The following LINGO2 variants were observed in gnomAD, a reference collection of about 807,000 sequenced individuals.
The protein encoded by LINGO2 is leucine-rich repeat and immunoglobulin-like domain-containing nogo receptor-interacting protein 2.
In LINGO2, 14 loss-of-function variants were observed where a neutral mutation model predicts 30.6. That is an observed-to-expected ratio of 0.46 (90% confidence interval 0.30 to 0.72). The LOEUF is 0.72. LINGO2 is among the 30% of genes least tolerant of loss of function. The pLI, the probability that LINGO2 is intolerant of heterozygous loss-of-function variation, is 0.07. For missense variants in LINGO2, 729 were observed against 751.7 expected, an observed-to-expected ratio of 0.97 and a Z score of 0.35; for synonymous variants, 317 against 288.5, an observed-to-expected ratio of 1.10 and a Z score of -1.00.
At chr9:28,592,134 C>A (rs1335113401) in intron 1 of LINGO2, among the ~76,000 whole-genome samples, 1 of 151,964 alleles carries the variant, frequency 6.6e-6, no homozygotes, top group Admixed American at 6.6e-5. Context: ...GGAACAAAAT[C>A]ATGCTGTTAC....
intron 3 of LINGO2, among the ~76,000 whole-genome samples, chr9:28,347,747 T>C (rs1397549314): frequency 6.6e-6 from 1 of 152,198 alleles, no homozygotes; most frequent in African/African-American, 2.4e-5. Context: ...ATTATTATTT[T>C]ATTAAAGGTG....
chr9:27,948,217 A>G (rs1026249470), exon 6 of LINGO2: 1 of 152,220 alleles, frequency 6.6e-6, no homozygotes, highest in Admixed American at 6.5e-5. Context: ...CCATAACTCC[A>G]GGGATCTAGT....
chr9:28,723,798 T>C, the LINGO2 span, among the ~76,000 whole-genome samples: 1 of 152,102 alleles, frequency 6.6e-6, no homozygotes, highest in Non-Finnish European at 1.5e-5. Context: ...AATAGGTATG[T>C]TGCAATTGGT....
At chr9:27,954,653 A>G (rs1819478683) in intron 5 of LINGO2, among the ~76,000 whole-genome samples, 1 of 152,122 alleles carries the variant, frequency 6.6e-6, no homozygotes, top group Non-Finnish European at 1.5e-5. Flanking sequence ...TGCAATAAAC[A>G]TGGGCATACA....
At position 28,358,797 on chromosome 9, in the gene LINGO2, A is replaced by G. The variant is rs1820330372; in HGVS notation, c.-246+14039T>C. On this transcript the variant is annotated intron_variant, in intron 3 of 5. Coordinates refer to ENST00000379992, the Ensembl canonical transcript of LINGO2. The stretch of plus-strand genomic sequence containing the variant: ...GTCTTATTGTCATGATTACAGCTCA[A>G]CTTCTTTACCAGACTTCCTTCTTAG... Among the ~76,000 whole-genome samples the G allele has an allele frequency of 1.3e-5, 2 of 152,128 alleles. 1 individual carries two copies. Among genetic ancestry groups the G allele is most frequent in the Non-Finnish European group, 2.9e-5 (2 of 68,024 alleles).
At chr9:28,316,781 A>C (rs1454828867) in intron 3 of LINGO2, among the ~76,000 whole-genome samples, 2 of 152,154 alleles carry the variant, frequency 1.3e-5, no homozygotes, top group African/African-American at 4.8e-5. Context: ...TTATGCCAAG[A>C]AGTTCCAAGA....
At chr9:29,084,758 C>A in the LINGO2 span, among the ~76,000 whole-genome samples, 1 of 151,934 alleles carries the variant, frequency 6.6e-6, no homozygotes, top group Non-Finnish European at 1.5e-5. Context: ...TTCTGTAATA[C>A]TCACCAAAAT....
the LINGO2 span, among the ~76,000 whole-genome samples, chr9:28,779,438 T>C: frequency 1.3e-5 from 2 of 152,182 alleles, no homozygotes; most frequent in Non-Finnish European, 2.9e-5. Context: ...TCTGGAGCTA[T>C]TGATGACTTC....
chr9:29,030,128 GT>G, the LINGO2 span, among the ~76,000 whole-genome samples: 1 of 152,144 alleles, frequency 6.6e-6, no homozygotes. Context: ...ATTGAATTGA[GT>G]CCTATTTTAG....
chr9:28,317,294 C>A (rs934720205), intron 3 of LINGO2, among the ~76,000 whole-genome samples: 1 of 152,078 alleles, frequency 6.6e-6, no homozygotes, highest in South Asian at 2.1e-4. Flanking sequence ...CTAGATTGAC[C>A]TTTCCTTGTT....
intron 4 of LINGO2, among the ~76,000 whole-genome samples, chr9:28,178,267 T>C (rs1380696984): frequency 6.6e-6 from 1 of 152,170 alleles, no homozygotes; most frequent in Non-Finnish European, 1.5e-5. Flanking sequence ...TTAGAGACGG[T>C]AGCGTATACA....
the LINGO2 span, among the ~76,000 whole-genome samples, chr9:28,990,307 T>C: frequency 6.6e-6 from 1 of 151,726 alleles, no homozygotes; most frequent in Non-Finnish European, 1.5e-5. Flanking sequence ...GGGGGAGGGG[T>C]GCCCACCATT....
chr9:29,012,455 A>C, the LINGO2 span, among the ~76,000 whole-genome samples: 23 of 152,310 alleles, frequency 1.5e-4, no homozygotes, highest in African/African-American at 5.3e-4. Flanking sequence ...CCAAATTTTC[A>C]ACATAGATAG....
At chr9:28,639,960 G>A (rs537486697) in intron 1 of LINGO2, among the ~76,000 whole-genome samples, 5 of 152,108 alleles carry the variant, frequency 3.3e-5, no homozygotes, top group African/African-American at 7.2e-5. Flanking sequence ...GGCTGGTACC[G>A]GTTGTTCCTT....
At chr9:28,909,600 A>G in the LINGO2 span, among the ~76,000 whole-genome samples, 2 of 152,000 alleles carry the variant, frequency 1.3e-5, no homozygotes, top group South Asian at 2.1e-4. Flanking sequence ...ACGTATGTCA[A>G]TGTCTTGGGC....
At chr9:28,894,112 T>C in the LINGO2 span, among the ~76,000 whole-genome samples, 15 of 152,172 alleles carry the variant, frequency 9.9e-5, no homozygotes, top group African/African-American at 3.6e-4. Context: ...TAGTATTCCA[T>C]GGTGTATATG....
At chr9:28,307,629 G>T (rs1824424198) in intron 3 of LINGO2, among the ~76,000 whole-genome samples, 1 of 152,126 alleles carries the variant, frequency 6.6e-6, no homozygotes, top group Non-Finnish European at 1.5e-5. Context: ...AGGAAAAGAG[G>T]AAGTCAAATT....
intron 2 of LINGO2, among the ~76,000 whole-genome samples, chr9:28,462,614 A>G (rs1564214538): frequency 6.6e-6 from 1 of 151,994 alleles, no homozygotes; most frequent in Non-Finnish European, 1.5e-5. Context: ...TTACATATAA[A>G]TGATTTTTTA....
the LINGO2 span, among the ~76,000 whole-genome samples, chr9:28,972,716 T>C: frequency 6.6e-6 from 1 of 152,122 alleles, no homozygotes. Context: ...CAGTTCCACA[T>C]AGCTGAGGAG....
Sources: gnomAD v4.1 joint callset for allele counts (sites outside exome capture counted in the v4.1 genomes callset) on GRCh38, gnomAD v4.1.1 for gene constraint, MANE v1.5 for transcripts, NCBI Gene and HGNC (gene_info 2026-07-23, HGNC 2026-07-21) for gene names.